The following ENTPD6 variants were observed in gnomAD, a reference collection of about 807,000 sequenced individuals.
ENTPD6 encodes the protein ectonucleoside triphosphate diphosphohydrolase 6.
A neutral mutation model predicts 61.5 loss-of-function variants in ENTPD6; 46 were observed. That is an observed-to-expected ratio of 0.75 (90% CI 0.59 to 0.96). The LOEUF is 0.96. Ranked by LOEUF, ENTPD6 falls within the 40% of genes least tolerant of loss-of-function variation. The pLI, the probability that ENTPD6 is intolerant of heterozygous loss-of-function variation, is 0.00. For synonymous variants in ENTPD6, 252 were observed against 255.5 expected (o/e 0.99, Z 0.13); for missense variants, 612 against 629.0 (o/e 0.97, Z 0.29).
Position 25,213,390 on chromosome 20 carries a change from A to C in ENTPD6, c.581A>C (p.Gln194Pro). 1 of 1,611,178 alleles carries C rather than the reference A, an allele frequency of 6.2e-7. No individual in the cohort carries two copies. The highest frequency in any genetic ancestry group is 8.5e-7 in the Non-Finnish European group (1 of 1,178,148). Reference sequence around the variant, plus strand: ...CGCCTGTTACCTGGAGAAAAGGCCCAGAAGTTACTGCAGAAGGTGAGCCTG... The same window carrying C: ...CGCCTGTTACCTGGAGAAAAGGCCCCGAAGTTACTGCAGAAGGTGAGCCTG... ...GLRLLPGEKA[Q>P]KLLQKVKKVF... Residue 194 changes from glutamine (Q) to proline (P), a missense_variant, in exon 5 of 15, where the codon CAG becomes CCG. Transcript: ENST00000376652.
rs1448721366 is a variant in ENTPD6 at position 25,225,289 on chromosome 20, T to A, written c.1328T>A (p.Phe443Tyr). ...TACGTCAGCCTGCTACTCCAGGAGT[T>A]CGGCTTTCCCAGGAGCAAAGTGCTG... ...LTYVSLLLQEFGFPRSKVLKL... is the reference protein window; with the variant it reads ...LTYVSLLLQEYGFPRSKVLKL... Residue 443 changes from phenylalanine to tyrosine, a missense_variant, in exon 14 of 15, where the codon TTC becomes TAC. By Grantham distance (22) the Phe-to-Tyr change is conservative. Coordinates refer to ENST00000376652, the MANE Select transcript of ENTPD6 (RefSeq NM_001247.5). 2.5e-6 allele frequency: 4 copies of A among 1,613,378 alleles called. No homozygotes were observed. The highest frequency in any genetic ancestry group is 4.5e-5 in the East Asian group (2 of 44,880).
chr20:25,223,239 A>C (rs1310045458), intron 12 of ENTPD6, among the ~76,000 whole-genome samples: 1 of 152,098 alleles, frequency 6.6e-6, no homozygotes, highest in African/African-American at 2.4e-5. Context: ...CCTGCCTTGC[A>C]CTGGCCCACG....
chr20:25,208,055 A>G (rs1048619445), intron 3 of ENTPD6, among the ~76,000 whole-genome samples: 1 of 152,088 alleles, frequency 6.6e-6, no homozygotes, highest in African/African-American at 2.4e-5. Flanking sequence ...ATGTCTCTCT[A>G]GCTGTAGCCA....
At chr20:25,215,282 T>C (rs1036207843) in intron 6 of ENTPD6, among the ~76,000 whole-genome samples, 2 of 152,238 alleles carry the variant, frequency 1.3e-5, no homozygotes, top group African/African-American at 4.8e-5. Context: ...TGTTGTTGCG[T>C]TGTTAATTCT....
Position 25,215,723 on chromosome 20 carries a change from C to G in ENTPD6, c.709+12C>G. 6.2e-7 allele frequency: 1 copy of G among 1,614,092 alleles called. No homozygotes were observed. Among genetic ancestry groups the G allele is most frequent in the South Asian group, 1.1e-5 (1 of 91,082 alleles). On this transcript the variant is annotated intron_variant, in intron 7 of 14. Coordinates refer to ENST00000376652, the MANE Select transcript of ENTPD6 (RefSeq NM_001247.5). ...CAACTTCCTGACAGGTGTGTGCACA[C>G]TGCATCACAGAGGCTAGCCGATCAC...
chr20:25,208,078 A>G (rs1443544312), intron 3 of ENTPD6, among the ~76,000 whole-genome samples: 2 of 152,190 alleles, frequency 1.3e-5, no homozygotes, highest in African/African-American at 4.8e-5. Context: ...GAGAGTTTGC[A>G]GCCCCTGTCA....
At chr20:25,225,034 C>T (rs1417977438) in intron 13 of ENTPD6, 171 bp from the exon 14 acceptor site, 2 of 1,056,250 alleles carry the variant, frequency 1.9e-6, no homozygotes, top group Non-Finnish European at 2.7e-6. Flanking sequence ...TTGCCGCCCA[C>T]CTGCCTGTGC....
chr20:25,205,970 C>T (rs1267101680), intron 1 of ENTPD6, among the ~76,000 whole-genome samples: 1 of 152,266 alleles, frequency 6.6e-6, no homozygotes, highest in Non-Finnish European at 1.5e-5. Flanking sequence ...ACTGCCCCCT[C>T]CTCAGCAGTG....
At chr20:25,200,289 CT>C (rs1346304632) in intron 1 of ENTPD6, among the ~76,000 whole-genome samples, 14 of 152,218 alleles carry the variant, frequency 9.2e-5, no homozygotes, top group Non-Finnish European at 1.6e-4. Flanking sequence ...TTGTGGTTGA[CT>C]TTTAAGAGTT....
intron 3 of ENTPD6, 73 bp downstream of exon 3, chr20:25,207,470 CA>C (rs2091604925): frequency 7.4e-7 from 1 of 1,344,400 alleles, no homozygotes; most frequent in African/African-American, 1.5e-5. Context: ...TCCCCTGCCA[CA>C]GACTCACCTG....
chr20:25,213,216 G>A, intron 4 of ENTPD6, 47 bp from the exon 5 acceptor site: 1 of 1,612,466 alleles, frequency 6.2e-7, no homozygotes, highest in Non-Finnish European at 8.5e-7. Flanking sequence ...GTGTGACCCT[G>A]TATGCTGCAC....
intron 3 of ENTPD6, among the ~76,000 whole-genome samples, chr20:25,209,217 C>T (rs2091771261): frequency 6.6e-6 from 1 of 151,764 alleles, no homozygotes; most frequent in Admixed American, 6.6e-5. Context: ...TCATGCCATT[C>T]TCCTGCCTCA....
chr20:25,225,788 G>T lies in ENTPD6; in HGVS notation c.*191G>T. ...CTCTTCCAGTCACATCTGGCCAGAG[G>T]GCTGTCTGGACCTGGGCCCTGCTCA... On this transcript the variant is annotated 3_prime_UTR_variant, in exon 15 of 15. Coordinates refer to ENST00000376652, the MANE Select transcript of ENTPD6 (RefSeq NM_001247.5). The T allele has an allele frequency of 1.7e-6, 1 of 577,380 alleles. No homozygotes were observed. Among genetic ancestry groups the T allele is most frequent in the Non-Finnish European group, 3.1e-6 (1 of 326,618 alleles). 35.8% of individuals were successfully genotyped at this position (577,380 alleles called of 1,614,324 possible).
chr20:25,198,393 T>C (rs2090711256), intron 1 of ENTPD6, among the ~76,000 whole-genome samples: 1 of 152,124 alleles, frequency 6.6e-6, no homozygotes, highest in South Asian at 2.1e-4. Context: ...GGAGAATTGC[T>C]TAACCTGGGA....
rs779269967 is a variant in ENTPD6, at chr20:25,216,674, A to G, written c.736A>G (p.Ser246Gly). 4.4e-6 allele frequency: 7 copies of G among 1,607,556 alleles called. No individual in the cohort carries two copies. The highest frequency in any genetic ancestry group is 1.1e-5 in the South Asian group (1 of 89,134). Reference sequence around the variant, plus strand: ...CAGCTTGAAAACTCCAGGAGGGAGCAGCGTGGGCATGCTGGACTTGGGCGG... The same window carrying G: ...CAGCTTGAAAACTCCAGGAGGGAGCGGCGTGGGCATGCTGGACTTGGGCGG... ...TGSLKTPGGS[S>G]VGMLDLGGGS... The change falls in exon 8 of 15, where the codon AGC becomes GGC. Residue 246 changes from serine (S) to glycine (G), a missense_variant. Coordinates refer to ENST00000376652, the MANE Select transcript of ENTPD6 (RefSeq NM_001247.5).
At chr20:25,225,452 C>T (rs1205679344) in intron 14 of ENTPD6, 47 bp from the exon 15 acceptor site, 1 of 1,594,758 alleles carries the variant, frequency 6.3e-7, no homozygotes, top group East Asian at 2.2e-5. Context: ...ATGCACAAGG[C>T]TTTCCTGTCT....
rs568947770 is a variant in ENTPD6, at chr20:25,220,213, A to G, written c.944-1019A>G. On this transcript the variant is annotated intron_variant, in intron 10 of 14. Transcript: ENST00000376652. ...CAAGTAGAGTGAAAGAACAGCAAACAGCAGTCGCGGCTGGAATCTCACAGC... is the reference window on the plus strand; with the variant it reads ...CAAGTAGAGTGAAAGAACAGCAAACGGCAGTCGCGGCTGGAATCTCACAGC... 3.3e-5 allele frequency among the ~76,000 whole-genome samples: 5 copies of G among 152,346 alleles called. No homozygotes were observed. The East Asian group carries it at 9.7e-4, about 29-fold the overall frequency.
Position 25,217,537 on chromosome 20 carries a change from G to GGCACT in ENTPD6, c.837_841dup (p.Arg281HisfsTer21). The GGCACT allele has an allele frequency of 6.2e-7, 1 of 1,614,116 alleles. No individual in the cohort carries two copies. The highest frequency in any genetic ancestry group is 1.1e-5 in the South Asian group (1 of 91,084). ...AGGCCTCCCCACCCGGCTACCTGAC[G>GGCACT]GCACTGCGGATGTTTAACAGGACCT... On this transcript the variant is annotated frameshift_variant, in exon 9 of 15. Transcript: ENST00000376652. LOFTEE classifies it high-confidence loss of function.
chr20:25,197,189 C>T (rs2122292098), intron 1 of ENTPD6: 1 of 985,440 alleles, frequency 1.0e-6, no homozygotes, highest in Non-Finnish European at 1.2e-6. Flanking sequence ...ATTAGGCAGC[C>T]ATCAATCCAC....
Sources: allele counts gnomAD v4.1 joint callset (sites outside exome capture counted in the v4.1 genomes callset), GRCh38; gene constraint gnomAD v4.1.1; transcripts MANE v1.5; gene names NCBI Gene and HGNC (gene_info 2026-07-23, HGNC 2026-07-21).